Variants in CEP70 observed in about 807,000 individuals in gnomAD.
CEP70 encodes centrosomal protein 70, also known as centrosomal protein of 70 kDa.
A neutral mutation model predicts 90.9 loss-of-function variants in CEP70; 70 were observed. The ratio of observed to expected loss-of-function variants is 0.77; its 90% CI spans 0.64 to 0.94. CEP70 has a LOEUF of 0.94. Among genes scored for constraint, CEP70 ranks in the 40% least tolerant of loss-of-function variants. CEP70 has a pLI of 0.00. For synonymous variants in CEP70, 220 were observed against 228.3 expected (o/e 0.96, Z 0.33); for missense variants, 648 against 669.0 (o/e 0.97, Z 0.35).
chr3:138,510,041 G>A (rs1439385891), intron 11 of CEP70, among the ~76,000 whole-genome samples: 1 of 152,120 alleles, frequency 6.6e-6, no homozygotes, highest in African/African-American at 2.4e-5. Context: ...TGTATGCTGA[G>A]GTTGCTAAGA....
At position 138,591,873 on chromosome 3, in the gene CEP70, T is replaced by C; in HGVS notation, c.-25A>G. 6.6e-7 allele frequency: 1 copy of C among 1,522,042 alleles called. No individual in the cohort carries two copies. The highest frequency in any genetic ancestry group is 8.8e-7 in the Non-Finnish European group (1 of 1,140,750). 94.3% of individuals were successfully genotyped at this position (1,522,042 alleles called of 1,614,324 possible). On this transcript the variant is annotated 5_prime_UTR_variant, in exon 2 of 18. Coordinates refer to ENST00000264982, the MANE Select transcript of CEP70 (RefSeq NM_024491.4). ...ACATACCTCAGTCATAGCATATTAC[T>C]CTTGCACTTTACACCTGGTCATTCA... is the stretch of plus-strand genomic sequence containing the variant.
chr3:138,520,347 C>T lies in CEP70; in HGVS notation c.944+5143G>A, dbSNP rs150085490. Among the ~76,000 whole-genome samples the T allele has an allele frequency of 7.4e-3, 1,130 of 152,300 alleles. 18 individuals carry two copies. The highest frequency in any genetic ancestry group is 0.025 in the African/African-American group (1,059 of 41,560). Reference sequence around the variant, plus strand: ...ACCAAGCGGACCTAATAGACATCTACAGAACTCTCCACCCCAAAGCAATAG... The same window carrying T: ...ACCAAGCGGACCTAATAGACATCTATAGAACTCTCCACCCCAAAGCAATAG... On this transcript the variant is annotated intron_variant, in intron 11 of 17. Transcript: ENST00000264982.
At chr3:138,593,480 C>T (rs998896882) in intron 1 of CEP70, among the ~76,000 whole-genome samples, 1 of 152,170 alleles carries the variant, frequency 6.6e-6, no homozygotes, top group Non-Finnish European at 1.5e-5. Context: ...ACCTCGGCCT[C>T]CCAAAGTGCT....
intron 7 of CEP70, 74 bp from the exon 8 acceptor site, chr3:138,532,644 T>G (rs1210838248): frequency 8.0e-7 from 1 of 1,248,504 alleles, no homozygotes; most frequent in Non-Finnish European, 1.1e-6. Context: ...CACCACATAA[T>G]TTCAAATTAC....
intron 3 of CEP70, among the ~76,000 whole-genome samples, chr3:138,572,165 T>C (rs959738528): frequency 1.3e-5 from 2 of 152,244 alleles, no homozygotes; most frequent in African/African-American, 4.8e-5. Context: ...CAGCTCCTTG[T>C]CAAATGGACA....
intron 17 of CEP70, chr3:138,497,039 C>T: frequency 1.0e-6 from 1 of 1,003,398 alleles, no homozygotes. Flanking sequence ...GGATATCAGA[C>T]AACACACTTA....
intron 2 of CEP70, among the ~76,000 whole-genome samples, chr3:138,586,232 A>C (rs185277298): frequency 6.6e-6 from 1 of 152,178 alleles, no homozygotes; most frequent in Admixed American, 6.5e-5. Flanking sequence ...ATCTCGGCTC[A>C]CTGCAACCTC....
At chr3:138,548,369 T>A (rs573169040) in intron 6 of CEP70, among the ~76,000 whole-genome samples, 2 of 152,308 alleles carry the variant, frequency 1.3e-5, no homozygotes, top group African/African-American at 4.8e-5. Context: ...CTTTCTAAGA[T>A]CATGGTATGT....
chr3:138,521,906 T>A (rs932235753), intron 11 of CEP70, among the ~76,000 whole-genome samples: 5 of 152,132 alleles, frequency 3.3e-5, no homozygotes, highest in Non-Finnish European at 1.5e-5. Flanking sequence ...TAGAAAGAAG[T>A]AGACATAGGA....
chr3:138,533,663 A>T (rs1200864787), intron 7 of CEP70, among the ~76,000 whole-genome samples: 4 of 152,214 alleles, frequency 2.6e-5, no homozygotes, highest in Non-Finnish European at 5.9e-5. Context: ...AGTAGGAAGG[A>T]CACACACCAA....
At chr3:138,539,163 T>G (rs980121302) in intron 6 of CEP70, among the ~76,000 whole-genome samples, 4 of 152,060 alleles carry the variant, frequency 2.6e-5, no homozygotes, top group Non-Finnish European at 5.9e-5. Context: ...CACACCTGGA[T>G]AGTTGCGTAC....
chr3:138,591,665 T>A (rs1305970236), intron 2 of CEP70, among the ~76,000 whole-genome samples, 189 bp downstream of exon 2: 1 of 152,222 alleles, frequency 6.6e-6, no homozygotes, highest in Non-Finnish European at 1.5e-5. Context: ...GCTTTCTGTG[T>A]TATCTTAAGT....
At chr3:138,544,728 T>C (rs997032487) in intron 6 of CEP70, among the ~76,000 whole-genome samples, 1 of 151,984 alleles carries the variant, frequency 6.6e-6, no homozygotes, top group African/African-American at 2.4e-5. Context: ...TATTCAGCCA[T>C]AAAAAGGAAT....
chr3:138,593,030 T>C (rs1321552750), intron 1 of CEP70: 1 of 152,244 alleles, frequency 6.6e-6, no homozygotes, highest in Non-Finnish European at 1.5e-5. Flanking sequence ...CAAATCATTC[T>C]GTCTCAGGAG....
At chr3:138,531,775 T>C (rs1348388400) in intron 8 of CEP70, among the ~76,000 whole-genome samples, 1 of 151,368 alleles carries the variant, frequency 6.6e-6, no homozygotes, top group African/African-American at 2.4e-5. Flanking sequence ...TCTGCCATTA[T>C]TCTCTCCAAG....
At chr3:138,553,175 C>T (rs930768784) in intron 6 of CEP70, among the ~76,000 whole-genome samples, 4 of 151,776 alleles carry the variant, frequency 2.6e-5, no homozygotes, top group African/African-American at 9.7e-5. Context: ...GAACGAAATA[C>T]TGCCTTCAAA....
At chr3:138,545,876 C>G (rs1207305102) in intron 6 of CEP70, among the ~76,000 whole-genome samples, 1 of 152,124 alleles carries the variant, frequency 6.6e-6, no homozygotes, top group Admixed American at 6.5e-5. Flanking sequence ...CAGATCAGTT[C>G]TCTGCTCTCA....
chr3:138,509,789 C>A (rs2035348807), intron 11 of CEP70, among the ~76,000 whole-genome samples: 1 of 152,076 alleles, frequency 6.6e-6, no homozygotes, highest in South Asian at 2.1e-4. Context: ...CTTTGTCCAG[C>A]TTATCCATGC....
intron 2 of CEP70, among the ~76,000 whole-genome samples, chr3:138,581,694 C>CAAAAAAAAAAAAA (rs35064874): frequency 3.8e-5 from 3 of 79,348 alleles, no homozygotes; most frequent in Non-Finnish European, 4.9e-5. Flanking sequence ...AAACTTGTCT[C>CAAAAAAAAAAAAA]AAAAAAAAAA....
Sources: gnomAD v4.1 joint callset for allele counts (sites outside exome capture counted in the v4.1 genomes callset) on GRCh38, gnomAD v4.1.1 for gene constraint, MANE v1.5 for transcripts, NCBI Gene and HGNC (gene_info 2026-07-23, HGNC 2026-07-21) for gene names.